The following GPBP1 variants were observed in gnomAD, a reference collection of about 807,000 sequenced individuals.
The protein encoded by GPBP1 is GC-rich promoter binding protein 1.
A neutral mutation model predicts 56.5 loss-of-function variants in GPBP1; 13 were observed. The observed-to-expected ratio is 0.23, with a 90% CI of 0.15 to 0.37. The LOEUF (loss-of-function observed/expected upper bound fraction) is 0.37, where lower values mean the gene tolerates loss of function less well. Among genes scored for constraint, GPBP1 ranks in the 10% least tolerant of loss-of-function variants. The pLI, the probability that GPBP1 is intolerant of heterozygous loss-of-function variation, is 1.00. For synonymous variants in GPBP1, 204 were observed against 188.9 expected (o/e 1.08, Z -0.66); for missense variants, 477 against 572.3 (o/e 0.83, Z 1.70).
intron 3 of GPBP1, among the ~76,000 whole-genome samples, chr5:57,230,530 G>A (rs1756404878): frequency 6.6e-6 from 1 of 152,170 alleles, no homozygotes; most frequent in Admixed American, 6.6e-5. Context: ...AGTAGTGTAT[G>A]ATAAAGACTT....
chr5:57,249,381 T>G (rs1300268599), intron 8 of GPBP1, 28 bp from the exon 9 acceptor site: 2 of 1,535,856 alleles, frequency 1.3e-6, no homozygotes, highest in Non-Finnish European at 1.8e-6. Context: ...GGCTACATAT[T>G]TATCAGTATT....
chr5:57,180,595 GT>G (rs1561318304), intron 2 of GPBP1, among the ~76,000 whole-genome samples: 1 of 152,140 alleles, frequency 6.6e-6, no homozygotes, highest in Admixed American at 6.5e-5. Flanking sequence ...AGGGAACTTG[GT>G]TTAGGATATG....
At chr5:57,193,853 T>G (rs546067303) in intron 2 of GPBP1, among the ~76,000 whole-genome samples, 2 of 152,098 alleles carry the variant, frequency 1.3e-5, no homozygotes, top group Admixed American at 1.3e-4. Flanking sequence ...TAAAAAAGAT[T>G]TAAAATTGTT....
intron 2 of GPBP1, among the ~76,000 whole-genome samples, chr5:57,201,581 T>A (rs1275771029): frequency 6.6e-6 from 1 of 152,166 alleles, no homozygotes; most frequent in Non-Finnish European, 1.5e-5. Flanking sequence ...TTCAGCAGTG[T>A]TTTTTTATAC....
At chr5:57,211,575 T>TG (rs1755478350) in intron 2 of GPBP1, among the ~76,000 whole-genome samples, 1 of 138,010 alleles carries the variant, frequency 7.2e-6, no homozygotes, top group Non-Finnish European at 1.6e-5. Context: ...CCTCCGGGGA[T>TG]TTTGTTGTTG....
chr5:57,192,067 A>T (rs980867109), intron 2 of GPBP1, among the ~76,000 whole-genome samples: 5 of 152,182 alleles, frequency 3.3e-5, no homozygotes, highest in African/African-American at 4.8e-5. Context: ...AAAACATGTT[A>T]TATAGATCCC....
chr5:57,210,160 G>T (rs890997470), intron 2 of GPBP1, among the ~76,000 whole-genome samples: 2 of 152,104 alleles, frequency 1.3e-5, no homozygotes, highest in South Asian at 4.1e-4. Context: ...TTTTGCCAAA[G>T]TGTATTCTTT....
At chr5:57,254,579 G>A (rs776313324) in intron 10 of GPBP1, among the ~76,000 whole-genome samples, 1 of 151,756 alleles carries the variant, frequency 6.6e-6, no homozygotes, top group Non-Finnish European at 1.5e-5. Context: ...CGTGTAATCC[G>A]AGCTATTCAG....
At chr5:57,238,087 G>C (rs778488205) in intron 6 of GPBP1, among the ~76,000 whole-genome samples, 10 of 152,050 alleles carry the variant, frequency 6.6e-5, no homozygotes, top group Non-Finnish European at 1.5e-4. Flanking sequence ...TAGCTATTAG[G>C]TACATAAAAT....
At chr5:57,233,683 CTTGATG>C (rs1278236579) in intron 5 of GPBP1, among the ~76,000 whole-genome samples, 1 of 151,978 alleles carries the variant, frequency 6.6e-6, no homozygotes, top group African/African-American at 2.4e-5. Flanking sequence ...TGATTCTTGT[CTTGATG>C]TTGAGTTGAC....
chr5:57,190,121 C>T (rs1182550601), intron 2 of GPBP1, among the ~76,000 whole-genome samples: 1 of 148,876 alleles, frequency 6.7e-6, no homozygotes, highest in African/African-American at 2.4e-5. Flanking sequence ...CTTATTTGCA[C>T]AGTAAAAGAA....
chr5:57,227,574 TA>T (rs1191473091), intron 3 of GPBP1, among the ~76,000 whole-genome samples: 2 of 152,220 alleles, frequency 1.3e-5, no homozygotes, highest in East Asian at 3.8e-4. Context: ...TTGTTTGCAG[TA>T]AGCAACATTG....
chr5:57,186,563 A>G (rs1004237015), intron 2 of GPBP1, among the ~76,000 whole-genome samples: 2 of 151,964 alleles, frequency 1.3e-5, no homozygotes, highest in Non-Finnish European at 2.9e-5. Context: ...TGCGATAAAA[A>G]GATGTTCACT....
chr5:57,260,180 T>G (rs1741828166), intron 10 of GPBP1, among the ~76,000 whole-genome samples: 1 of 152,212 alleles, frequency 6.6e-6, no homozygotes. Context: ...ATGTCTTGTC[T>G]GTGGTATTGG....
At chr5:57,209,209 A>AT (rs1049224382) in intron 2 of GPBP1, among the ~76,000 whole-genome samples, 3 of 151,974 alleles carry the variant, frequency 2.0e-5, no homozygotes, top group Admixed American at 2.0e-4. Flanking sequence ...TCTAATACAT[A>AT]TTTTTTCTGG....
At chr5:57,227,703 C>T (rs1756258436) in intron 3 of GPBP1, among the ~76,000 whole-genome samples, 3 of 152,170 alleles carry the variant, frequency 2.0e-5, no homozygotes, top group Non-Finnish European at 2.9e-5. Context: ...CTGTACAGAA[C>T]CAGTGCCAAC....
intron 2 of GPBP1, among the ~76,000 whole-genome samples, chr5:57,202,856 A>ATT (rs2111705918): frequency 6.6e-6 from 1 of 152,306 alleles, no homozygotes; most frequent in East Asian, 1.9e-4. Context: ...TTTAAATTAA[A>ATT]TTTTATCCCA....
In GPBP1 at chr5:57,175,968, G is replaced by A. The variant is rs1273423980; in HGVS notation, c.-490G>A. ...TTTTTTCCTTTTATCTTTTATTTACGTGGAAATTTAAGATGTTGCAGTTTT... is the reference window on the plus strand; with the variant it reads ...TTTTTTCCTTTTATCTTTTATTTACATGGAAATTTAAGATGTTGCAGTTTT... On this transcript the variant is annotated 5_prime_UTR_variant, in exon 2 of 12. It adds an upstream start codon to the 5' untranslated region. Transcript: ENST00000506184. 1.5e-5 allele frequency: 6 copies of A among 398,230 alleles called. No individual in the cohort carries two copies. The highest frequency in any genetic ancestry group is 8.2e-5 in the African/African-American group (4 of 48,558). 24.7% of individuals were successfully genotyped at this position (398,230 alleles called of 1,614,324 possible). A position where few individuals can be genotyped will look rare whatever the true frequency, so the allele number is the denominator to read the frequency against.
intron 2 of GPBP1, among the ~76,000 whole-genome samples, chr5:57,190,324 C>G (rs190020889): frequency 4.9e-4 from 75 of 152,100 alleles, no homozygotes; most frequent in African/African-American, 1.8e-3. Flanking sequence ...GTGGCTCATA[C>G]CTGTAATCCC....
Sources: gnomAD v4.1 joint callset for allele counts (sites outside exome capture counted in the v4.1 genomes callset) on GRCh38, gnomAD v4.1.1 for gene constraint, MANE v1.5 for transcripts, NCBI Gene and HGNC (gene_info 2026-07-23, HGNC 2026-07-21) for gene names.